SLC10A7: variants seen among roughly 807,000 people sequenced by gnomAD.
SLC10A7 encodes the protein sodium/bile acid cotransporter 7.
Under a neutral mutation model 43.2 loss-of-function variants are expected in SLC10A7, and 29 were observed. That is an observed-to-expected ratio of 0.67 (90% confidence interval 0.50 to 0.92). SLC10A7 has a LOEUF of 0.92. Ranked by LOEUF, SLC10A7 falls within the 40% of genes least tolerant of loss-of-function variation. The pLI is 0.00. For synonymous variants in SLC10A7, 152 were observed against 144.8 expected, an observed-to-expected ratio of 1.05 and a Z score of -0.35; for missense variants, 295 against 403.2, an observed-to-expected ratio of 0.73 and a Z score of 2.30.
intron 4 of SLC10A7, among the ~76,000 whole-genome samples, chr4:146,461,350 C>A (rs1463587246): frequency 6.6e-6 from 1 of 151,926 alleles, no homozygotes; most frequent in Non-Finnish European, 1.5e-5. Context: ...GGAAACACAA[C>A]GCCAACTTCA....
intron 5 of SLC10A7, among the ~76,000 whole-genome samples, chr4:146,375,137 T>C (rs1259051322): frequency 6.6e-6 from 1 of 152,098 alleles, no homozygotes; most frequent in African/African-American, 2.4e-5. Context: ...ACCTGGGAGA[T>C]GGAGGTTGCA....
At chr4:146,516,741 T>C (rs1738036132) in intron 2 of SLC10A7, among the ~76,000 whole-genome samples, 1 of 152,096 alleles carries the variant, frequency 6.6e-6, no homozygotes, top group Non-Finnish European at 1.5e-5. Context: ...CAGGCACCAC[T>C]GTAGTTACCA....
chr4:146,429,993 C>T (rs1729653003), intron 5 of SLC10A7, among the ~76,000 whole-genome samples: 1 of 150,916 alleles, frequency 6.6e-6, no homozygotes, highest in Non-Finnish European at 1.5e-5. Context: ...CAAAAAAAAT[C>T]ATTCAAAACG....
chr4:146,485,010 C>A (rs1277440696), intron 4 of SLC10A7, among the ~76,000 whole-genome samples: 1 of 152,122 alleles, frequency 6.6e-6, no homozygotes, highest in African/African-American at 2.4e-5. Context: ...GGGACCAGAA[C>A]AAACTGTATA....
At chr4:146,468,501 G>A (rs1319298648) in intron 4 of SLC10A7, among the ~76,000 whole-genome samples, 2 of 136,754 alleles carry the variant, frequency 1.5e-5, no homozygotes, top group South Asian at 2.2e-4. Flanking sequence ...ATGGAGTCTC[G>A]CTCTGTTGCC....
intron 6 of SLC10A7, among the ~76,000 whole-genome samples, chr4:146,311,770 G>C (rs1013040799): frequency 1.3e-5 from 2 of 152,044 alleles, no homozygotes; most frequent in South Asian, 2.1e-4. Flanking sequence ...AGGGAAGAAG[G>C]CTTGCTTACT....
At chr4:146,347,773 G>T (rs1331851641) in intron 5 of SLC10A7, among the ~76,000 whole-genome samples, 1 of 152,140 alleles carries the variant, frequency 6.6e-6, no homozygotes, top group African/African-American at 2.4e-5. Flanking sequence ...GAAATGTACA[G>T]CTACAGCAGT....
At chr4:146,288,518 G>A (rs10007510) in intron 9 of SLC10A7, among the ~76,000 whole-genome samples, 2,833 of 152,230 alleles carry the variant, frequency 0.019, 103 homozygotes, top group African/African-American at 0.063. Flanking sequence ...TTGCCCTTTT[G>A]AGAAAGACAA....
At chr4:146,311,645 T>C (rs1731984340) in intron 6 of SLC10A7, among the ~76,000 whole-genome samples, 1 of 152,166 alleles carries the variant, frequency 6.6e-6, no homozygotes, top group African/African-American at 2.4e-5. Context: ...GTTAACTCTC[T>C]TTTGCTAGGA....
chr4:146,491,251 G>C (rs11100926), intron 4 of SLC10A7, among the ~76,000 whole-genome samples: 120,933 of 152,014 alleles, frequency 0.8, 48,508 homozygotes, highest in East Asian at 0.96. Context: ...AAGAATTCAT[G>C]AGAAGACAAA....
chr4:146,448,257 C>A (rs1015570165), intron 4 of SLC10A7, among the ~76,000 whole-genome samples: 1 of 151,518 alleles, frequency 6.6e-6, no homozygotes, highest in African/African-American at 2.4e-5. Flanking sequence ...TTAAAAAAAA[C>A]TTAAAAAAAT....
intron 5 of SLC10A7, among the ~76,000 whole-genome samples, chr4:146,369,806 G>A (rs1736640310): frequency 6.6e-6 from 1 of 152,092 alleles, no homozygotes; most frequent in Non-Finnish European, 1.5e-5. Context: ...AATATCAAAT[G>A]ATACTATAAG....
chr4:146,267,003 C>T (rs920462470), intron 10 of SLC10A7, among the ~76,000 whole-genome samples: 1 of 152,122 alleles, frequency 6.6e-6, no homozygotes, highest in African/African-American at 2.4e-5. Flanking sequence ...ATTCCTGGCC[C>T]TCATGGGAGC....
intron 5 of SLC10A7, among the ~76,000 whole-genome samples, chr4:146,404,476 A>G (rs1299813186): frequency 3.5e-5 from 5 of 141,468 alleles, no homozygotes; most frequent in East Asian, 2.1e-4. Flanking sequence ...CTGCTCATTT[A>G]TGTGTGTGTG....
chr4:146,376,185 G>A (rs2149785664), intron 5 of SLC10A7, among the ~76,000 whole-genome samples: 1 of 152,198 alleles, frequency 6.6e-6, no homozygotes, highest in South Asian at 2.1e-4. Context: ...TCATCCTGAG[G>A]CTATCTAGGA....
intron 6 of SLC10A7, among the ~76,000 whole-genome samples, chr4:146,312,972 C>T (rs1732080524): frequency 1.3e-5 from 2 of 152,140 alleles, no homozygotes; most frequent in Non-Finnish European, 2.9e-5. Flanking sequence ...CCTCTAGGAC[C>T]AAACTTTGCT....
chr4:146,435,852 T>G (rs1342520526), intron 5 of SLC10A7, among the ~76,000 whole-genome samples: 1 of 152,122 alleles, frequency 6.6e-6, no homozygotes, highest in Non-Finnish European at 1.5e-5. Context: ...CCAGAATAAT[T>G]TATATTTATT....
intron 10 of SLC10A7, among the ~76,000 whole-genome samples, chr4:146,270,851 C>T (rs1040213699): frequency 2.0e-5 from 3 of 152,186 alleles, no homozygotes; most frequent in Non-Finnish European, 4.4e-5. Context: ...AAATTAAGTG[C>T]CTAATGCAGT....
At chr4:146,449,554 A>G (rs766918996) in intron 4 of SLC10A7, among the ~76,000 whole-genome samples, 6 of 152,108 alleles carry the variant, frequency 3.9e-5, no homozygotes, top group Admixed American at 2.0e-4. Context: ...TGAGGGCCAC[A>G]GTGTGACAGT....
Sources: gnomAD v4.1 joint callset for allele counts (sites outside exome capture counted in the v4.1 genomes callset) on GRCh38, gnomAD v4.1.1 for gene constraint, MANE v1.5 for transcripts, NCBI Gene and HGNC (gene_info 2026-07-23, HGNC 2026-07-21) for gene names.